The following TEX264 variants were observed in gnomAD, a reference collection of about 807,000 sequenced individuals.
TEX264 encodes testis-expressed protein 264.
A neutral mutation model predicts 23.4 loss-of-function variants in TEX264; 13 were observed. The ratio of observed to expected loss-of-function variants is 0.56; its 90% confidence interval spans 0.36 to 0.88. TEX264 has a LOEUF of 0.88. Ranked by LOEUF, TEX264 falls within the 40% of genes least tolerant of loss-of-function variation. The pLI, the probability that TEX264 is intolerant of heterozygous loss-of-function variation, is 0.01. For synonymous variants in TEX264, 159 were observed against 170.0 expected (o/e 0.94, Z 0.50); for missense variants, 340 against 406.8 (o/e 0.84, Z 1.41).
Position 51,684,468 on chromosome 3 carries a change from AATCGCCCTCCCCTGAGCTC to A in TEX264, c.319_337del (p.Pro107ThrfsTer20), listed in dbSNP as rs1702541313. 1 of 1,614,026 alleles carries A rather than the reference AATCGCCCTCCCCTGAGCTC, an allele frequency of 6.2e-7. No homozygotes were observed. Among genetic ancestry groups the A allele is most frequent in the Admixed American group, 1.7e-5 (1 of 60,006 alleles). ...GGCAGCATCCTGAGTGAAGGTGAGG[AATCGCCCTCCCCTGAGCTC>A]ATCGACCTCTACCAGAAATTTGGCT... On this transcript the variant is annotated frameshift_variant, in exon 3 of 5. Transcript: ENST00000341333. LOFTEE classifies it high-confidence loss of function.
At chr3:51,685,520 A>G (rs1702592026) in intron 3 of TEX264, among the ~76,000 whole-genome samples, 1 of 152,252 alleles carries the variant, frequency 6.6e-6, no homozygotes, top group Admixed American at 6.5e-5. Flanking sequence ...CAACTTGGAC[A>G]GAATGGTCAG....
In TEX264 at chr3:51,703,420, C is replaced by T. The variant is rs945016543; in HGVS notation, c.650-304C>T. Reference sequence around the variant, plus strand: ...GCCCTTAATAAATGTGGGGGGAGGGCAGCAGGCTTTGTGGAAGTGCAGGGA... The same window carrying T: ...GCCCTTAATAAATGTGGGGGGAGGGTAGCAGGCTTTGTGGAAGTGCAGGGA... On this transcript the variant is annotated intron_variant, in intron 4 of 4. Coordinates refer to ENST00000341333, the MANE Select transcript of TEX264 (RefSeq NM_015926.6). This position sits in a 1 kb window ranked among gnomAD's most constrained non-coding sequence, Gnocchi z 4.8. Among the ~76,000 whole-genome samples the T allele has an allele frequency of 6.6e-6, 1 of 152,154 alleles. No homozygotes were observed. The highest frequency in any genetic ancestry group is 6.5e-5 in the Admixed American group (1 of 15,282).
At chr3:51,684,367 C>G in intron 2 of TEX264, 46 bp from the exon 3 acceptor site, 164 of 1,572,338 alleles carry the variant, frequency 1.0e-4, no homozygotes, top group Middle Eastern at 1.7e-4. Context: ...GGTCTGAGGG[C>G]CTCCTTCCTT....
chr3:51,700,577 G>A (rs1413785027), intron 4 of TEX264, among the ~76,000 whole-genome samples: 1 of 152,052 alleles, frequency 6.6e-6, no homozygotes, highest in African/African-American at 2.4e-5. Context: ...GTGGGCACAG[G>A]ACATGGCACA....
At chr3:51,680,221 T>C (rs758092589) in intron 2 of TEX264, among the ~76,000 whole-genome samples, 4 of 152,222 alleles carry the variant, frequency 2.6e-5, no homozygotes, top group Non-Finnish European at 4.4e-5. Flanking sequence ...GTATTAACCC[T>C]GAACCCAATG....
At chr3:51,687,081 G>C (rs1702647880) in intron 3 of TEX264, among the ~76,000 whole-genome samples, 1 of 152,230 alleles carries the variant, frequency 6.6e-6, no homozygotes. Flanking sequence ...TGTGCTCCTG[G>C]AGTGGGGGTT....
chr3:51,693,055 G>A (rs755738067), intron 3 of TEX264, among the ~76,000 whole-genome samples: 1 of 152,248 alleles, frequency 6.6e-6, no homozygotes, highest in Non-Finnish European at 1.5e-5. Context: ...TGTGTCCCAT[G>A]TGCCTGCTTA....
chr3:51,693,176 A>G (rs1702889132), intron 3 of TEX264, among the ~76,000 whole-genome samples: 1 of 152,180 alleles, frequency 6.6e-6, no homozygotes, highest in Non-Finnish European at 1.5e-5. Flanking sequence ...GCGTCGTGCC[A>G]GGGAGATGAA....
At chr3:51,673,295 C>T (rs904312328) in intron 1 of TEX264, among the ~76,000 whole-genome samples, 6 of 152,192 alleles carry the variant, frequency 3.9e-5, no homozygotes, top group African/African-American at 9.7e-5. Context: ...TTTTCCCCCC[C>T]GCCAGGCAAC....
chr3:51,675,487 A>T (rs142954436), intron 2 of TEX264, among the ~76,000 whole-genome samples: 2 of 152,198 alleles, frequency 1.3e-5, no homozygotes, highest in Non-Finnish European at 2.9e-5. Flanking sequence ...TTGAAACAGG[A>T]TGTACTGGTT....
intron 2 of TEX264, among the ~76,000 whole-genome samples, chr3:51,680,682 T>C (rs1330656025): frequency 6.6e-6 from 1 of 152,230 alleles, no homozygotes; most frequent in Non-Finnish European, 1.5e-5. Flanking sequence ...CCAATTCTTG[T>C]TCTGGGCAGA....
At chr3:51,676,520 G>A (rs1288904391) in intron 2 of TEX264, among the ~76,000 whole-genome samples, 2 of 152,232 alleles carry the variant, frequency 1.3e-5, no homozygotes. Flanking sequence ...TAGGGTGCTT[G>A]TCTGGGGGAC....
At chr3:51,675,465 C>G (rs1319804606) in intron 2 of TEX264, among the ~76,000 whole-genome samples, 2 of 152,236 alleles carry the variant, frequency 1.3e-5, no homozygotes, top group Non-Finnish European at 2.9e-5. Context: ...GACCGGCTTA[C>G]TGGGGCACTA....
intron 3 of TEX264, among the ~76,000 whole-genome samples, chr3:51,690,557 CAAAAAAAAAA>C (rs1301569354): frequency 1.8e-5 from 1 of 55,888 alleles, no homozygotes; most frequent in Admixed American, 2.0e-4. Context: ...GACTCCGTCT[CAAAAAAAAAA>C]AAAAAAAAAG....
At position 51,686,151 on chromosome 3, in the gene TEX264, T is replaced by G. The variant is rs958081248; in HGVS notation, c.480+1517T>G. 1.3e-5 allele frequency among the ~76,000 whole-genome samples: 2 copies of G among 152,108 alleles called. No homozygotes were observed. The highest frequency in any genetic ancestry group is 2.9e-5 in the Non-Finnish European group (2 of 68,022). ...GCCTGGAGTTGAGGAAAGGCTGGGC[T>G]GGTGGATATATTTGGGGACATCAGC... is the stretch of plus-strand genomic sequence containing the variant. On this transcript the variant is annotated intron_variant, in intron 3 of 4. Coordinates refer to ENST00000341333, the MANE Select transcript of TEX264 (RefSeq NM_015926.6). The surrounding 1 kb of genome is among the most constrained non-coding windows in gnomAD (Gnocchi z 4.1).
At chr3:51,676,292 C>T (rs890739888) in intron 2 of TEX264, among the ~76,000 whole-genome samples, 2 of 152,192 alleles carry the variant, frequency 1.3e-5, no homozygotes, top group African/African-American at 4.8e-5. Context: ...AACAGGTTGC[C>T]TCTTGGGTTG....
intron 3 of TEX264, among the ~76,000 whole-genome samples, chr3:51,688,973 GA>G (rs1009920508): frequency 5.9e-5 from 9 of 151,550 alleles, no homozygotes; most frequent in Non-Finnish European, 1.2e-4. Flanking sequence ...AAAAAAAACA[GA>G]AAAAAAATTA....
chr3:51,679,228 C>G (rs1274102017), intron 2 of TEX264, among the ~76,000 whole-genome samples: 1 of 152,178 alleles, frequency 6.6e-6, no homozygotes, highest in East Asian at 1.9e-4. Flanking sequence ...AAAAGAATCC[C>G]TACCTCAGGG....
At chr3:51,681,323 GAACTTTCTGTGT>G (rs1702422450) in intron 2 of TEX264, 1 of 152,344 alleles carries the variant, frequency 6.6e-6, no homozygotes, top group African/African-American at 2.4e-5. Context: ...CATGCCTCAA[GAACTTTCTGTGT>G]GCGCAGGATC....
Sources: gnomAD v4.1 joint callset for allele counts (sites outside exome capture counted in the v4.1 genomes callset) on GRCh38, gnomAD v4.1.1 for gene constraint, Gnocchi (gnomAD v3.1) non-coding constraint, MANE v1.5 for transcripts, NCBI Gene and HGNC (gene_info 2026-07-23, HGNC 2026-07-21) for gene names.